CASK: variants seen among roughly 807,000 people sequenced by gnomAD.
CASK encodes the protein peripheral plasma membrane protein CASK.
A neutral mutation model predicts 82.9 loss-of-function variants in CASK; 4 were observed. That is an observed-to-expected ratio of 0.05 (90% CI 0.02 to 0.11). The LOEUF (loss-of-function observed/expected upper bound fraction) is 0.11. Ranked by LOEUF, CASK falls within the 10% of genes least tolerant of loss-of-function variation. CASK has a pLI of 1.00. For synonymous variants in CASK, 259 were observed against 253.5 expected, an observed-to-expected ratio of 1.02 and a Z score of -0.20; for missense variants, 358 against 720.9, an observed-to-expected ratio of 0.50 and a Z score of 5.76.
chrX:41,558,906 T>G (rs1223766624), intron 18 of CASK: 1 of 111,994 alleles, frequency 8.9e-6, no homozygotes, highest in Admixed American at 9.5e-5. Context: ...ACAAATCCAA[T>G]AAGTTACCTG....
intron 2 of CASK, among the ~76,000 whole-genome samples, chrX:41,821,249 T>G (rs914770066): frequency 8.9e-6 from 1 of 111,855 alleles, no homozygotes; most frequent in African/African-American, 3.2e-5. Context: ...GACACACACC[T>G]CAATGAAAAA....
intron 1 of CASK, among the ~76,000 whole-genome samples, chrX:41,870,384 T>A (rs1478417476): frequency 1.8e-5 from 2 of 111,956 alleles, no homozygotes; most frequent in African/African-American, 6.5e-5. Flanking sequence ...AAAATAATCT[T>A]CAATGATGAA....
intron 3 of CASK, among the ~76,000 whole-genome samples, chrX:41,773,982 CAAT>C (rs1209640673): frequency 1.8e-5 from 2 of 111,354 alleles, no homozygotes; most frequent in Admixed American, 1.9e-4. Context: ...TTTCTTTCTT[CAAT>C]AATAAATCTT....
intron 11 of CASK, among the ~76,000 whole-genome samples, chrX:41,611,676 CCTCTCT>C (rs1350527522): frequency 2.8e-5 from 2 of 70,461 alleles, no homozygotes; most frequent in Non-Finnish European, 2.6e-5. Flanking sequence ...TCTCCCTCTC[CCTCTCT>C]CTCTCCCTCT....
In CASK at chrX:41,863,819, T is replaced by G. The variant is rs1228773335; in HGVS notation, c.60-10592A>C. Among the ~76,000 whole-genome samples the G allele has an allele frequency of 4.5e-5, 5 of 112,229 alleles. No individual in the cohort carries two copies. The East Asian group carries it at 1.1e-3, about 25-fold the overall frequency. On this transcript the variant is annotated intron_variant, in intron 1 of 26. Transcript: ENST00000378163. ...GCATTATCACAATTGTCAAATTCTC[T>G]GTGCATAATCCACTCTTTGTAAATG...
At chrX:41,620,261 TG>T (rs2066267635) in intron 11 of CASK, among the ~76,000 whole-genome samples, 1 of 112,326 alleles carries the variant, frequency 8.9e-6, no homozygotes, top group Admixed American at 9.5e-5. Context: ...GTTTTTCAGA[TG>T]GATGACAGTT....
intron 1 of CASK, among the ~76,000 whole-genome samples, chrX:41,863,281 T>C (rs1054709811): frequency 8.9e-5 from 10 of 111,820 alleles, no homozygotes; most frequent in Non-Finnish European, 1.7e-4. Flanking sequence ...GAAATCTAAA[T>C]TCTTAACCTC....
At chrX:41,823,504 C>T (rs2147910059) in intron 2 of CASK, among the ~76,000 whole-genome samples, 1 of 110,731 alleles carries the variant, frequency 9.0e-6, no homozygotes, top group Non-Finnish European at 1.9e-5. Context: ...TCCCTGCTTC[C>T]TCACTCCCCA....
intron 2 of CASK, among the ~76,000 whole-genome samples, chrX:41,843,036 G>T (rs1256320213): frequency 9.0e-6 from 1 of 111,366 alleles, no homozygotes; most frequent in East Asian, 2.8e-4. Flanking sequence ...ACCTTGCTAA[G>T]CTCACTTATT....
chrX:41,558,609 C>T (rs1314092072), intron 18 of CASK: 2 of 110,964 alleles, frequency 1.8e-5, no homozygotes, highest in Non-Finnish European at 3.8e-5. Context: ...TTCTAGGTAA[C>T]AAATTTCAAT....
chrX:41,830,769 G>C (rs1228567325), intron 2 of CASK, among the ~76,000 whole-genome samples: 4 of 98,615 alleles, frequency 4.1e-5, no homozygotes, highest in Non-Finnish European at 8.1e-5. Flanking sequence ...GCAGTGAGCC[G>C]AGATCGCGCC....
chrX:41,792,824 T>C (rs2069761713), intron 2 of CASK, among the ~76,000 whole-genome samples: 1 of 111,698 alleles, frequency 9.0e-6, no homozygotes, highest in African/African-American at 3.3e-5. Context: ...CTAGCATGTA[T>C]TTTTACACTT....
chrX:41,603,426 G>T (rs1362323975), intron 12 of CASK, among the ~76,000 whole-genome samples: 1 of 111,675 alleles, frequency 9.0e-6, no homozygotes, highest in African/African-American at 3.3e-5. Context: ...GCTAACTCCA[G>T]GCCAGATGGA....
chrX:41,789,293 A>G (rs1466094591), intron 2 of CASK, among the ~76,000 whole-genome samples: 1 of 111,706 alleles, frequency 9.0e-6, no homozygotes, highest in Non-Finnish European at 1.9e-5. Flanking sequence ...ACTTTCTTAG[A>G]GTCAATGAAA....
intron 2 of CASK, among the ~76,000 whole-genome samples, chrX:41,797,510 G>C (rs2069885913): frequency 9.0e-6 from 1 of 111,305 alleles, no homozygotes; most frequent in Non-Finnish European, 1.9e-5. Context: ...CCTGCTAGAA[G>C]GCAACATCAA....
chrX:41,533,364 A>T (rs1257450662), intron 24 of CASK, among the ~76,000 whole-genome samples: 1 of 112,491 alleles, frequency 8.9e-6, no homozygotes, highest in African/African-American at 3.2e-5. Flanking sequence ...GAATTAAAAG[A>T]ACACTTCAAA....
At chrX:41,736,032 C>T (rs939924001) in intron 5 of CASK, among the ~76,000 whole-genome samples, 1 of 111,710 alleles carries the variant, frequency 9.0e-6, no homozygotes. Context: ...TCTTCACTGA[C>T]GTAGCTCCGG....
intron 12 of CASK, among the ~76,000 whole-genome samples, chrX:41,607,081 A>T (rs1428356635): frequency 8.9e-6 from 1 of 112,933 alleles, no homozygotes; most frequent in Admixed American, 9.3e-5. Flanking sequence ...GCAGATGCCA[A>T]TAAGGCAGAT....
At chrX:41,865,323 G>A (rs946096393) in intron 1 of CASK, among the ~76,000 whole-genome samples, 2 of 111,514 alleles carry the variant, frequency 1.8e-5, no homozygotes, top group African/African-American at 3.3e-5. Context: ...AGGCAACTCC[G>A]TATTTCCTTC....
Sources: allele counts gnomAD v4.1 joint callset (sites outside exome capture counted in the v4.1 genomes callset), GRCh38; gene constraint gnomAD v4.1.1; transcripts MANE v1.5; gene names NCBI Gene and HGNC (gene_info 2026-07-23, HGNC 2026-07-21).